UNC5D: variants seen among roughly 807,000 people sequenced by gnomAD.
UNC5D encodes the protein netrin receptor UNC5D.
A neutral mutation model predicts 105.4 loss-of-function variants in UNC5D; 39 were observed. That is an observed-to-expected ratio of 0.37 (90% CI 0.29 to 0.48). The LOEUF is 0.48. Ranked by LOEUF, UNC5D falls within the 20% of genes least tolerant of loss-of-function variation. UNC5D has a pLI of 0.98. For synonymous variants in UNC5D, 452 were observed against 450.4 expected, an observed-to-expected ratio of 1.00 and a Z score of -0.04; for missense variants, 991 against 1,202.4, an observed-to-expected ratio of 0.82 and a Z score of 2.60.
intron 1 of UNC5D, among the ~76,000 whole-genome samples, chr8:35,393,794 G>A (rs942851388): frequency 6.6e-6 from 1 of 152,184 alleles, no homozygotes; most frequent in Admixed American, 6.5e-5. Context: ...TAGAAGATAT[G>A]TGGCTCCTAT....
chr8:35,374,556 C>A (rs1307305177), intron 1 of UNC5D, among the ~76,000 whole-genome samples: 3 of 152,182 alleles, frequency 2.0e-5, no homozygotes, highest in Non-Finnish European at 4.4e-5. Flanking sequence ...CTATTAGGAA[C>A]TAGCTTTTTC....
intron 4 of UNC5D, among the ~76,000 whole-genome samples, chr8:35,618,849 T>C (rs1821182052): frequency 6.6e-6 from 1 of 152,152 alleles, no homozygotes; most frequent in Admixed American, 6.5e-5. Flanking sequence ...AGTAAGGAAA[T>C]AGACATTATG....
chr8:35,416,728 C>G (rs1424294981), intron 1 of UNC5D, among the ~76,000 whole-genome samples: 2 of 152,034 alleles, frequency 1.3e-5, no homozygotes, highest in Non-Finnish European at 2.9e-5. Context: ...TGTCCATGGC[C>G]TTGGTTTACT....
intron 1 of UNC5D, among the ~76,000 whole-genome samples, chr8:35,324,392 T>C (rs935420961): frequency 2.0e-5 from 3 of 151,930 alleles, no homozygotes; most frequent in Non-Finnish European, 4.4e-5. Flanking sequence ...CCTTTCCCAT[T>C]TTCTTTCCAG....
intron 1 of UNC5D, among the ~76,000 whole-genome samples, chr8:35,262,309 A>C (rs1258986244): frequency 1.3e-5 from 2 of 152,174 alleles, no homozygotes; most frequent in African/African-American, 4.8e-5. Flanking sequence ...TACATTGACT[A>C]ATGTCTTGGA....
intron 1 of UNC5D, among the ~76,000 whole-genome samples, chr8:35,277,093 T>C (rs1805826555): frequency 6.6e-6 from 1 of 152,200 alleles, no homozygotes; most frequent in East Asian, 1.9e-4. Flanking sequence ...GAAAACTTTG[T>C]AATTTTGAGT....
chr8:35,426,491 A>T (rs1437380170), intron 1 of UNC5D, among the ~76,000 whole-genome samples: 1 of 152,178 alleles, frequency 6.6e-6, no homozygotes, highest in African/African-American at 2.4e-5. Context: ...GATGAAACCA[A>T]GTCAGAGGAA....
At chr8:35,382,574 A>C (rs565275556) in intron 1 of UNC5D, among the ~76,000 whole-genome samples, 5 of 152,304 alleles carry the variant, frequency 3.3e-5, no homozygotes, top group African/African-American at 1.2e-4. Flanking sequence ...TTACTGGCTA[A>C]AGTACTTTAT....
At chr8:35,703,572 G>A (rs974971761) in intron 7 of UNC5D, among the ~76,000 whole-genome samples, 5 of 152,252 alleles carry the variant, frequency 3.3e-5, no homozygotes, top group South Asian at 2.1e-4. Flanking sequence ...AGTCACATTC[G>A]TTCATTCATT....
At chr8:35,297,896 G>A (rs566018832) in intron 1 of UNC5D, among the ~76,000 whole-genome samples, 26 of 152,128 alleles carry the variant, frequency 1.7e-4, no homozygotes, top group African/African-American at 4.3e-4. Context: ...TCCATTAAGC[G>A]GGGCCACAAA....
chr8:35,365,188 C>T (rs1291113557), intron 1 of UNC5D, among the ~76,000 whole-genome samples: 1 of 152,128 alleles, frequency 6.6e-6, no homozygotes, highest in African/African-American at 2.4e-5. Flanking sequence ...CTCATTCTTA[C>T]CATTCCATTC....
At position 35,796,404 on chromosome 8, in the gene UNC5D, G is replaced by C. The variant is rs1803255561; in HGVS notation, c.*5841G>C. The C allele has an allele frequency of 8.8e-6, 1 of 113,210 alleles. No homozygotes were observed. Among genetic ancestry groups the C allele is most frequent in the Non-Finnish European group, 1.7e-5 (1 of 59,200 alleles). The allele number at this position is 113,210 out of a possible 1,614,324, so 7.0% of individuals were successfully genotyped here. ...TATATTGTATTGAACAAAATGGACG[G>C]TTTGGATGTTTTATGTCGAGTTTGC... On this transcript the variant is annotated 3_prime_UTR_variant, in exon 17 of 17. Transcript: ENST00000404895.
chr8:35,477,546 ATG>A (rs766208807), intron 1 of UNC5D, among the ~76,000 whole-genome samples: 58 of 152,134 alleles, frequency 3.8e-4, no homozygotes, highest in Admixed American at 1.4e-3. Flanking sequence ...TTGAATTAGT[ATG>A]TGGAGAAAAT....
At chr8:35,389,377 C>T (rs1207044594) in intron 1 of UNC5D, among the ~76,000 whole-genome samples, 11 of 152,166 alleles carry the variant, frequency 7.2e-5, no homozygotes, top group Non-Finnish European at 1.5e-4. Flanking sequence ...GCTTGGGGCT[C>T]TGCATTTCTT....
rs531544341 is a variant in UNC5D, at chr8:35,263,475, G to A, written c.103+27588G>A. ...CTGGAGTGCAGTCCAGCTCACTGCA[G>A]CCTTGAACTCCTGGGTTCATGTGAG... On this transcript the variant is annotated intron_variant, in intron 1 of 16. Coordinates refer to ENST00000404895, the MANE Select transcript of UNC5D (RefSeq NM_080872.4). 8.5e-5 allele frequency among the ~76,000 whole-genome samples: 13 copies of A among 152,136 alleles called. No homozygotes were observed. The South Asian group carries it at 1.7e-3, about 19-fold the overall frequency.
At chr8:35,298,004 T>C (rs1807629322) in intron 1 of UNC5D, among the ~76,000 whole-genome samples, 1 of 152,186 alleles carries the variant, frequency 6.6e-6, no homozygotes, top group Non-Finnish European at 1.5e-5. Flanking sequence ...GTGATCTTTC[T>C]GGTCAGTCTC....
rs1300260835 is a variant in UNC5D at position 35,793,052 on chromosome 8, C to T, written c.*2489C>T. The T allele has an allele frequency of 6.6e-6, 3 of 453,736 alleles. No individual in the cohort carries two copies. The highest frequency in any genetic ancestry group is 1.3e-5 in the Non-Finnish European group (3 of 226,050). The allele number at this position is 453,736 out of a possible 1,614,324, so 28.1% of individuals were successfully genotyped here. A position where few individuals can be genotyped will look rare whatever the true frequency, so the allele number is the denominator to read the frequency against. The stretch of plus-strand genomic sequence containing the variant: ...AACAAAGGAGGAAGTTAACTTAATT[C>T]ACCTCAGACTTCAGCCTAAGATTCA... On this transcript the variant is annotated 3_prime_UTR_variant, in exon 17 of 17. Transcript: ENST00000404895.
At chr8:35,386,954 T>C (rs769833412) in intron 1 of UNC5D, among the ~76,000 whole-genome samples, 3 of 152,124 alleles carry the variant, frequency 2.0e-5, no homozygotes, top group Non-Finnish European at 2.9e-5. Flanking sequence ...AAGTGACTTA[T>C]GTTCGTGAAT....
intron 1 of UNC5D, among the ~76,000 whole-genome samples, chr8:35,507,855 A>G (rs1050338667): frequency 2.0e-5 from 3 of 152,168 alleles, no homozygotes; most frequent in African/African-American, 7.2e-5. Context: ...CCTGGATCAA[A>G]ACATCTCATG....
Sources: gnomAD v4.1 joint callset for allele counts (sites outside exome capture counted in the v4.1 genomes callset) on GRCh38, gnomAD v4.1.1 for gene constraint, MANE v1.5 for transcripts, NCBI Gene and HGNC (gene_info 2026-07-23, HGNC 2026-07-21) for gene names.